The following GLIS3 variants were observed in gnomAD, a reference collection of about 807,000 sequenced individuals.
The protein encoded by GLIS3 is GLIS family zinc finger 3.
A neutral mutation model predicts 78.6 loss-of-function variants in GLIS3; 53 were observed. The ratio of observed to expected loss-of-function variants is 0.67; its 90% confidence interval spans 0.54 to 0.85. The LOEUF (loss-of-function observed/expected upper bound fraction) is 0.85. GLIS3 is among the 40% of genes least tolerant of loss of function. The pLI is 0.00. For synonymous variants in GLIS3, 684 were observed against 509.9 expected, an observed-to-expected ratio of 1.34 and a Z score of -4.60; for missense variants, 1,703 against 1,231.1, an observed-to-expected ratio of 1.38 and a Z score of -5.74.
intron 6 of GLIS3, among the ~76,000 whole-genome samples, chr9:3,906,268 C>T (rs1049561414): frequency 2.0e-5 from 3 of 152,176 alleles, no homozygotes; most frequent in African/African-American, 4.8e-5. Flanking sequence ...GATTACTGTG[C>T]AGAATACCGG....
At chr9:3,993,838 A>G (rs1247879730) in intron 4 of GLIS3, among the ~76,000 whole-genome samples, 1 of 151,958 alleles carries the variant, frequency 6.6e-6, no homozygotes, top group Non-Finnish European at 1.5e-5. Context: ...AAAAATTGTC[A>G]TTTTTTTTCT....
At chr9:4,327,753 G>A (rs1011943136) in intron 2 of GLIS3, among the ~76,000 whole-genome samples, 2 of 152,332 alleles carry the variant, frequency 1.3e-5, no homozygotes, top group Non-Finnish European at 2.9e-5. Flanking sequence ...AACAGCCTGT[G>A]TGGCATGAGC....
intron 9 of GLIS3, among the ~76,000 whole-genome samples, chr9:3,850,289 G>A (rs181938377): frequency 7.9e-5 from 12 of 152,316 alleles, no homozygotes; most frequent in Non-Finnish European, 2.9e-5. Flanking sequence ...GCCACGCAAG[G>A]CTGGATGTGC....
intron 7 of GLIS3, among the ~76,000 whole-genome samples, chr9:3,885,592 T>C (rs1460211764): frequency 6.6e-6 from 1 of 152,202 alleles, no homozygotes; most frequent in Non-Finnish European, 1.5e-5. Context: ...TGGGCAGTAT[T>C]TCCAGGGTCA....
intron 4 of GLIS3, among the ~76,000 whole-genome samples, chr9:4,077,200 G>C (rs941656822): frequency 2.0e-5 from 3 of 152,116 alleles, no homozygotes; most frequent in African/African-American, 7.2e-5. Context: ...CAGCAACTTT[G>C]AAATTAATAA....
intron 2 of GLIS3, among the ~76,000 whole-genome samples, chr9:4,312,134 A>C (rs1480355920): frequency 6.6e-6 from 1 of 151,942 alleles, no homozygotes; most frequent in Non-Finnish European, 1.5e-5. Flanking sequence ...CTGAACCTAA[A>C]ATAAAAGTTT....
At chr9:4,376,127 G>A in the GLIS3 span, among the ~76,000 whole-genome samples, 1 of 152,148 alleles carries the variant, frequency 6.6e-6, no homozygotes, top group African/African-American at 2.4e-5. Flanking sequence ...TTGAAAAAAA[G>A]TTGGGGTGGG....
At chr9:4,439,546 T>C in the GLIS3 span, among the ~76,000 whole-genome samples, 1 of 152,328 alleles carries the variant, frequency 6.6e-6, no homozygotes, top group Admixed American at 6.5e-5. Context: ...TGATTATATA[T>C]CCTTTGACCA....
chr9:4,026,051 A>G (rs1823312962), intron 4 of GLIS3, among the ~76,000 whole-genome samples: 1 of 152,230 alleles, frequency 6.6e-6, no homozygotes, highest in Non-Finnish European at 1.5e-5. Flanking sequence ...GAGTCTAATC[A>G]TAATCCCTAC....
the GLIS3 span, among the ~76,000 whole-genome samples, chr9:4,401,607 G>T: frequency 6.9e-6 from 1 of 145,616 alleles, no homozygotes; most frequent in South Asian, 2.2e-4. Context: ...TCACTCTGTC[G>T]CCCAGGCTGG....
At chr9:3,923,674 A>C (rs969455973) in intron 6 of GLIS3, among the ~76,000 whole-genome samples, 1 of 152,156 alleles carries the variant, frequency 6.6e-6, no homozygotes, top group Non-Finnish European at 1.5e-5. Flanking sequence ...AAAAGTCAGA[A>C]AGTTTAAGAT....
chr9:4,111,732 T>C (rs1831226613), intron 4 of GLIS3, among the ~76,000 whole-genome samples: 1 of 152,224 alleles, frequency 6.6e-6, no homozygotes, highest in South Asian at 2.1e-4. Flanking sequence ...GGGAAAGAAA[T>C]CTTAAGATTT....
rs149076515 is a variant in GLIS3, at chr9:4,203,001, T to C, written c.389-77060A>G. 1.9e-3 allele frequency among the ~76,000 whole-genome samples: 284 copies of C among 152,316 alleles called. 2 individuals carry two copies. Among genetic ancestry groups the C allele is most frequent in the African/African-American group, 6.5e-3 (270 of 41,568 alleles). ...ACCTAATTAAACTAAAGAACTTCTA[T>C]ACGGCAAAAGAAATTATCAGCAAAG... is the stretch of plus-strand genomic sequence containing the variant. On this transcript the variant is annotated intron_variant, in intron 2 of 10. Coordinates refer to ENST00000381971, the MANE Select transcript of GLIS3 (RefSeq NM_001042413.2).
chr9:4,248,092 C>A (rs1455370048), intron 2 of GLIS3, among the ~76,000 whole-genome samples: 1 of 152,058 alleles, frequency 6.6e-6, no homozygotes, highest in African/African-American at 2.4e-5. Context: ...ATGAATTCAA[C>A]TTTTTTCTTA....
At chr9:4,190,031 G>C (rs995236896) in intron 2 of GLIS3, among the ~76,000 whole-genome samples, 4 of 152,080 alleles carry the variant, frequency 2.6e-5, no homozygotes, top group Non-Finnish European at 5.9e-5. Flanking sequence ...AAACCCATTG[G>C]TACATCACCA....
chr9:4,381,755 A>C, the GLIS3 span, among the ~76,000 whole-genome samples: 3 of 151,942 alleles, frequency 2.0e-5, no homozygotes, highest in African/African-American at 7.3e-5. Flanking sequence ...GAATCCACAA[A>C]CTCCATTTTC....
intron 2 of GLIS3, among the ~76,000 whole-genome samples, chr9:4,167,756 T>C (rs549857390): frequency 9.8e-5 from 15 of 152,374 alleles, no homozygotes; most frequent in African/African-American, 3.1e-4. Flanking sequence ...GCCTTTCATA[T>C]ACTTTTCTGC....
At chr9:4,446,530 G>A in the GLIS3 span, among the ~76,000 whole-genome samples, 4 of 127,380 alleles carry the variant, frequency 3.1e-5, no homozygotes, top group Non-Finnish European at 6.4e-5. Flanking sequence ...TTTTTTTTGA[G>A]ATGGAGTCTT....
chr9:4,175,681 T>C (rs1426176768), intron 2 of GLIS3, among the ~76,000 whole-genome samples: 1 of 152,158 alleles, frequency 6.6e-6, no homozygotes, highest in Non-Finnish European at 1.5e-5. Flanking sequence ...AAATAAATTT[T>C]CAAAGTCCAA....
Sources: gnomAD v4.1 joint callset for allele counts (sites outside exome capture counted in the v4.1 genomes callset) on GRCh38, gnomAD v4.1.1 for gene constraint, MANE v1.5 for transcripts, NCBI Gene and HGNC (gene_info 2026-07-23, HGNC 2026-07-21) for gene names.